COLGALT2: variants seen among roughly 807,000 people sequenced by gnomAD.
COLGALT2 encodes procollagen galactosyltransferase 2.
Under a neutral mutation model 73.4 loss-of-function variants are expected in COLGALT2, and 49 were observed. That is an observed-to-expected ratio of 0.67 (90% CI 0.53 to 0.85). The LOEUF is 0.85. Among genes scored for constraint, COLGALT2 ranks in the 40% least tolerant of loss-of-function variants. The pLI is 0.00. For missense variants in COLGALT2, 722 were observed against 790.2 expected (o/e 0.91, Z 1.03); for synonymous variants, 295 against 307.6 (o/e 0.96, Z 0.43).
At chr1:184,005,666 C>T (rs2102842577) in intron 1 of COLGALT2, among the ~76,000 whole-genome samples, 1 of 152,294 alleles carries the variant, frequency 6.6e-6, no homozygotes, top group East Asian at 1.9e-4. Context: ...GTCCTCACTC[C>T]ACCAAGTCAC....
chr1:183,939,654 C>T (rs957291209), intron 11 of COLGALT2, among the ~76,000 whole-genome samples: 2 of 152,150 alleles, frequency 1.3e-5, no homozygotes, highest in South Asian at 2.1e-4. Context: ...CAGTCTCTGA[C>T]ATGTTATATA....
intron 2 of COLGALT2, among the ~76,000 whole-genome samples, chr1:183,976,458 T>C (rs920501177): frequency 2.0e-5 from 3 of 151,488 alleles, no homozygotes; most frequent in Non-Finnish European, 4.4e-5. Context: ...GCATTTATTA[T>C]TACTATAATA....
At chr1:183,996,197 G>A (rs1017461142) in intron 1 of COLGALT2, among the ~76,000 whole-genome samples, 1 of 152,184 alleles carries the variant, frequency 6.6e-6, no homozygotes, top group Non-Finnish European at 1.5e-5. Flanking sequence ...GGGAGGAGGC[G>A]CACAGGCTTC....
intron 1 of COLGALT2, among the ~76,000 whole-genome samples, chr1:183,981,960 T>A (rs1370994644): frequency 6.6e-6 from 1 of 152,206 alleles, no homozygotes; most frequent in African/African-American, 2.4e-5. Context: ...GGTATGTAAG[T>A]AATATTTGAA....
At chr1:183,953,497 T>C (rs1446781750) in intron 7 of COLGALT2, among the ~76,000 whole-genome samples, 1 of 152,142 alleles carries the variant, frequency 6.6e-6, no homozygotes, top group East Asian at 1.9e-4. Context: ...GGAATGTTTT[T>C]AGGAGGAGAA....
intron 1 of COLGALT2, among the ~76,000 whole-genome samples, chr1:183,997,790 G>C (rs189484981): frequency 2.2e-4 from 33 of 152,298 alleles, no homozygotes; most frequent in Non-Finnish European, 1.5e-5. Context: ...TGTGTTTTCT[G>C]TAGGCTTAAC....
intron 1 of COLGALT2, among the ~76,000 whole-genome samples, chr1:183,985,875 G>A (rs1392246750): frequency 6.6e-6 from 1 of 152,170 alleles, no homozygotes; most frequent in Non-Finnish European, 1.5e-5. Context: ...TCCAATTCGA[G>A]ACTTCAAACA....
intron 1 of COLGALT2, among the ~76,000 whole-genome samples, chr1:184,011,770 T>C (rs928968507): frequency 1.3e-5 from 2 of 152,190 alleles, no homozygotes; most frequent in East Asian, 3.9e-4. Context: ...AAAACCTACA[T>C]GTGAGGTGTA....
At chr1:183,939,588 TGTTTAGGGGATAATG>T (rs1670054059) in intron 11 of COLGALT2, among the ~76,000 whole-genome samples, 1 of 152,138 alleles carries the variant, frequency 6.6e-6, no homozygotes, top group Admixed American at 6.5e-5. Context: ...ATTTCCCTTT[TGTTTAGGGGATAATG>T]GTTTGACCTC....
intron 1 of COLGALT2, among the ~76,000 whole-genome samples, chr1:183,989,774 A>G (rs2102828902): frequency 6.6e-6 from 1 of 152,320 alleles, no homozygotes; most frequent in African/African-American, 2.4e-5. Context: ...TGTAATCTTA[A>G]TGAATTTACT....
rs371961091 is a variant in COLGALT2, at chr1:183,975,264, G to A, written c.375-50C>T. The A allele has an allele frequency of 9.6e-6, 11 of 1,147,750 alleles. No homozygotes were observed. The South Asian group carries it at 1.3e-4, about 13-fold the overall frequency. The allele number at this position is 1,147,750 out of a possible 1,614,324, so 71.1% of individuals were successfully genotyped here. A position where few individuals can be genotyped will look rare whatever the true frequency, so the allele number is the denominator to read the frequency against. Reference sequence around the variant, plus strand: ...ATTATTGAGTGCCTACATGTACCAGGCTCTGTCCTAAATGTTTATATGTAT... The same window carrying A: ...ATTATTGAGTGCCTACATGTACCAGACTCTGTCCTAAATGTTTATATGTAT... On this transcript the variant is annotated intron_variant, in intron 2 of 11. Coordinates refer to ENST00000361927, the MANE Select transcript of COLGALT2 (RefSeq NM_015101.4).
chr1:183,944,187 G>C lies in COLGALT2; in HGVS notation c.1397+9C>G, dbSNP rs1235006315. 6.2e-7 allele frequency: 1 copy of C among 1,606,956 alleles called. No homozygotes were observed. Among genetic ancestry groups the C allele is most frequent in the South Asian group, 1.1e-5 (1 of 89,390 alleles). ...CAGAGCCCTCTCGTAAGATCATCTT[G>C]TCACTCACATCAGTTCCCAGTCCAG... On this transcript the variant is annotated intron_variant, in intron 10 of 11. Coordinates refer to ENST00000361927, the MANE Select transcript of COLGALT2 (RefSeq NM_015101.4).
At chr1:183,932,453 T>A (rs564054500), downstream of COLGALT2, among the ~76,000 whole-genome samples, 78 of 152,242 alleles carry the variant, frequency 5.1e-4, 1 homozygote, top group African/African-American at 1.8e-3. Flanking sequence ...GGAAGTCATG[T>A]CTTCAAAGAA....
At position 183,951,073 on chromosome 1, in the gene COLGALT2, T is replaced by C. The variant is rs1175784677; in HGVS notation, c.1070A>G (p.Asp357Gly). The change falls in exon 8 of 12, where the codon GAC (aspartate) becomes GGC (glycine). Residue 357 changes from aspartate to glycine, a missense_variant. Physicochemically the swap from Asp to Gly is moderately conservative, Grantham distance 94. Coordinates refer to ENST00000361927, the MANE Select transcript of COLGALT2 (RefSeq NM_015101.4). Reference protein sequence around the residue: ...INLKRRKDRRDRMLRTLYEQE... With the variant: ...INLKRRKDRRGRMLRTLYEQE... Reference sequence around the variant, plus strand: ...TTCATACAGTGTGCGCAGCATCCGGTCCCGCCTGTCCTTTCTGCGTTTGAG... The same window carrying C: ...TTCATACAGTGTGCGCAGCATCCGGCCCCGCCTGTCCTTTCTGCGTTTGAG... 1.2e-6 allele frequency: 2 copies of C among 1,613,896 alleles called. No individual in the cohort carries two copies.
intron 1 of COLGALT2, among the ~76,000 whole-genome samples, chr1:184,006,152 CA>C (rs768082331): frequency 3.3e-5 from 5 of 152,194 alleles, no homozygotes; most frequent in Non-Finnish European, 7.4e-5. Context: ...AGCTTGAAAA[CA>C]TTCTTTCATT....
intron 6 of COLGALT2, among the ~76,000 whole-genome samples, chr1:183,962,486 A>G (rs116297614): frequency 0.012 from 1,808 of 151,952 alleles, 37 homozygotes; most frequent in African/African-American, 0.042. Flanking sequence ...CCTCTCCTTT[A>G]TGCTACATGC....
At chr1:184,001,441 A>G (rs1003881490) in intron 1 of COLGALT2, among the ~76,000 whole-genome samples, 7 of 152,250 alleles carry the variant, frequency 4.6e-5, no homozygotes, top group African/African-American at 1.7e-4. Context: ...TCTTTTAAAA[A>G]TATACTTCTG....
At chr1:183,982,854 G>A (rs1410869815) in intron 1 of COLGALT2, among the ~76,000 whole-genome samples, 9 of 152,170 alleles carry the variant, frequency 5.9e-5, no homozygotes, top group Non-Finnish European at 1.3e-4. Flanking sequence ...TTCCTTGGTT[G>A]TTGTTTCTTC....
At chr1:183,959,847 C>T (rs1168186232) in intron 6 of COLGALT2, among the ~76,000 whole-genome samples, 1 of 152,150 alleles carries the variant, frequency 6.6e-6, no homozygotes. Context: ...CTTGACCCAA[C>T]TCATTCTTTA....
Sources: allele counts gnomAD v4.1 joint callset (sites outside exome capture counted in the v4.1 genomes callset), GRCh38; gene constraint gnomAD v4.1.1; transcripts MANE v1.5; gene names NCBI Gene and HGNC (gene_info 2026-07-23, HGNC 2026-07-21).